The following EPM2A variants were observed in gnomAD, a reference collection of about 807,000 sequenced individuals.
The protein encoded by EPM2A is laforin.
A neutral mutation model predicts 26.5 loss-of-function variants in EPM2A; 21 were observed. That is an observed-to-expected ratio of 0.79 (90% CI 0.56 to 1.14). The LOEUF is 1.14. Among genes scored for constraint, EPM2A ranks in the 50% most tolerant of loss-of-function variants. The pLI, the probability that EPM2A is intolerant of heterozygous loss-of-function variation, is 0.00. For synonymous variants in EPM2A, 217 were observed against 177.6 expected, an observed-to-expected ratio of 1.22 and a Z score of -1.76; for missense variants, 458 against 440.8, an observed-to-expected ratio of 1.04 and a Z score of -0.35.
chr6:145,562,733 G>A (rs1310227741), intron 2 of EPM2A, among the ~76,000 whole-genome samples: 2 of 152,038 alleles, frequency 1.3e-5, no homozygotes, highest in African/African-American at 2.4e-5. Flanking sequence ...CTGCTGCTTC[G>A]AAGTCTTTCT....
chr6:145,505,692 G>T (rs1779962883), intron 2 of EPM2A, among the ~76,000 whole-genome samples: 2 of 151,898 alleles, frequency 1.3e-5, no homozygotes, highest in Non-Finnish European at 2.9e-5. Context: ...ACTAGTGTAT[G>T]GATTAATATG....
intron 1 of EPM2A, among the ~76,000 whole-genome samples, chr6:145,727,552 A>G (rs951284195): frequency 3.9e-5 from 6 of 152,190 alleles, no homozygotes; most frequent in Admixed American, 3.9e-4. Flanking sequence ...TATTCATTCA[A>G]CCAATATTTA....
intron 4 of EPM2A, among the ~76,000 whole-genome samples, chr6:145,474,395 G>A (rs887716595): frequency 3.0e-4 from 46 of 152,172 alleles, no homozygotes; most frequent in Admixed American, 2.2e-3. Context: ...CTGGGAGGCA[G>A]AAGTGGCAGT....
downstream of EPM2A, among the ~76,000 whole-genome samples, chr6:145,496,728 A>ATGTTTTTTTGTTTTTTTTTTTTTTTT (rs779194973): frequency 1.9e-5 from 2 of 106,906 alleles, no homozygotes; most frequent in African/African-American, 3.4e-5. Flanking sequence ...AGTTCCTGCA[A>ATGTTTTTTTGTTTTTTTTTTTTTTTT]TTTTTTTTTT....
chr6:145,436,546 C>T (rs934786441), intron 4 of EPM2A, among the ~76,000 whole-genome samples: 3 of 152,042 alleles, frequency 2.0e-5, no homozygotes, highest in Non-Finnish European at 4.4e-5. Flanking sequence ...TAGGGGGTGT[C>T]GAGTGCCATC....
intron 4 of EPM2A, among the ~76,000 whole-genome samples, chr6:145,482,727 G>A (rs973565317): frequency 1.3e-5 from 2 of 151,894 alleles, no homozygotes; most frequent in Non-Finnish European, 2.9e-5. Flanking sequence ...AAAATACAAC[G>A]AGAACCCATT....
Position 145,432,325 on chromosome 6 carries a change from C to A in EPM2A, c.556-48228G>T, listed in dbSNP as rs574467402. Among the ~76,000 whole-genome samples the A allele has an allele frequency of 5.3e-5, 8 of 152,178 alleles. No individual in the cohort carries two copies. In the South Asian group the frequency reaches 1.0e-3, roughly 20 times the overall value. On this transcript the variant is annotated intron_variant, in intron 4 of 4. Transcript: ENST00000638717. ...TACTCACTATCTATGGCAGCTATCA[C>A]CTTATAAATGTATTTCTTAAAGAAT...
downstream of EPM2A, among the ~76,000 whole-genome samples, chr6:145,624,637 A>G (rs377257052): frequency 3.3e-5 from 5 of 152,312 alleles, no homozygotes; most frequent in South Asian, 2.1e-4. Flanking sequence ...GATTATTTCT[A>G]AAGACACTTT....
chr6:145,393,593 C>T (rs937645306), intron 4 of EPM2A, among the ~76,000 whole-genome samples: 3 of 152,014 alleles, frequency 2.0e-5, no homozygotes, highest in Non-Finnish European at 4.4e-5. Flanking sequence ...AGAATTTGAT[C>T]TTCAAATTAA....
chr6:145,698,676 T>C (rs1781751910), intron 1 of EPM2A, among the ~76,000 whole-genome samples: 1 of 151,960 alleles, frequency 6.6e-6, no homozygotes, highest in Admixed American at 6.6e-5. Context: ...ATACTAATAA[T>C]TGAATATCCC....
In EPM2A at chr6:145,627,144, G is replaced by T. The variant is rs907553630; in HGVS notation, c.*272C>A. ...AGGCCTCGTCTGCCTGCAGGCAGCAGGAACTGCACGCATTACCCTTCTGTC... is the reference window on the plus strand; with the variant it reads ...AGGCCTCGTCTGCCTGCAGGCAGCATGAACTGCACGCATTACCCTTCTGTC... On this transcript the variant is annotated 3_prime_UTR_variant, in exon 4 of 4. Transcript: ENST00000367519. 54 of 1,358,000 alleles carry T rather than the reference G, an allele frequency of 4.0e-5. No individual in the cohort carries two copies. The highest frequency in any genetic ancestry group is 4.8e-5 in the Non-Finnish European group (50 of 1,051,900). The allele number at this position is 1,358,000 out of a possible 1,614,324, so 84.1% of individuals were successfully genotyped here.
At chr6:145,468,888 T>C (rs1779435354) in intron 4 of EPM2A, among the ~76,000 whole-genome samples, 1 of 152,086 alleles carries the variant, frequency 6.6e-6, no homozygotes, top group Non-Finnish European at 1.5e-5. Flanking sequence ...TAACTATCCA[T>C]CTGACAAGAG....
intron 2 of EPM2A, among the ~76,000 whole-genome samples, chr6:145,519,814 A>G (rs1453394865): frequency 6.6e-6 from 1 of 152,204 alleles, no homozygotes; most frequent in Admixed American, 6.5e-5. Flanking sequence ...AAGCCATCTC[A>G]TTCAATCCTC....
Position 145,627,597 on chromosome 6 carries a change from CG to C in EPM2A, c.814del (p.Arg272AlafsTer13), listed in dbSNP as rs766830083. The stretch of plus-strand genomic sequence containing the variant: ...CCAGCCGCAGACAGCCGCGGTGGAG[CG>C]GCCCACCCCAGCGTTGCAGTGCACG... The part of the protein sequence containing the change: ...VYVHCNAGVG[R>X]STAAVCGWLQ... On this transcript the variant is annotated frameshift_variant, in exon 4 of 4. Transcript: ENST00000367519. LOFTEE classifies it high-confidence loss of function. The C allele has an allele frequency of 6.2e-7, 1 of 1,614,228 alleles. No homozygotes were observed. The highest frequency in any genetic ancestry group is 8.5e-7 in the Non-Finnish European group (1 of 1,180,040).
upstream of EPM2A, chr6:145,735,678 G>A (rs900083520): frequency 1.6e-5 from 17 of 1,068,420 alleles, no homozygotes; most frequent in South Asian, 4.6e-5. Flanking sequence ...CCCAGACTTC[G>A]TCCAGGCCGG....
chr6:145,644,103 C>T (rs542609087), intron 2 of EPM2A, among the ~76,000 whole-genome samples: 3 of 152,264 alleles, frequency 2.0e-5, no homozygotes, highest in East Asian at 1.9e-4. Flanking sequence ...TATTATTATA[C>T]ATTGCAATGG....
At chr6:145,710,163 C>T (rs1310508365) in intron 1 of EPM2A, among the ~76,000 whole-genome samples, 1 of 152,058 alleles carries the variant, frequency 6.6e-6, no homozygotes, top group African/African-American at 2.4e-5. Flanking sequence ...AAGAAACTAC[C>T]ATCAGAGTGA....
At chr6:145,454,866 A>G (rs1452114404) in intron 4 of EPM2A, among the ~76,000 whole-genome samples, 2 of 152,232 alleles carry the variant, frequency 1.3e-5, no homozygotes, top group African/African-American at 2.4e-5. Flanking sequence ...GGATTGGTAT[A>G]TAACTCATCT....
intron 2 of EPM2A, among the ~76,000 whole-genome samples, chr6:145,542,412 C>G (rs1780524970): frequency 6.6e-6 from 1 of 152,210 alleles, no homozygotes; most frequent in Non-Finnish European, 1.5e-5. Flanking sequence ...TATACAAAGT[C>G]ATCTTCAATT....
Sources: allele counts gnomAD v4.1 joint callset (sites outside exome capture counted in the v4.1 genomes callset), GRCh38; gene constraint gnomAD v4.1.1; transcripts MANE v1.5; gene names NCBI Gene and HGNC (gene_info 2026-07-23, HGNC 2026-07-21).